Variants in CPNE4 observed in about 807,000 individuals in gnomAD.
CPNE4 encodes the protein copine 4.
CPNE4 carries 25 observed loss-of-function variants against 67.9 expected under a neutral mutation model. That is an observed-to-expected ratio of 0.37 (90% confidence interval 0.27 to 0.51). The LOEUF is 0.51. CPNE4 is among the 20% of genes least tolerant of loss of function. The probability of loss-of-function intolerance (pLI) is 0.93; values close to 1 mark genes in which losing one functional copy is unlikely to be tolerated. For missense variants in CPNE4, 464 were observed against 690.8 expected, an observed-to-expected ratio of 0.67 and a Z score of 3.68; for synonymous variants, 242 against 244.9, an observed-to-expected ratio of 0.99 and a Z score of 0.11.
chr3:131,589,515 A>G (rs1188946439), intron 7 of CPNE4, among the ~76,000 whole-genome samples: 2 of 152,184 alleles, frequency 1.3e-5, no homozygotes, highest in Non-Finnish European at 2.9e-5. Context: ...CTCTCAGTCC[A>G]CTGACTCAAA....
At chr3:131,807,317 T>A (rs1266823828) in intron 2 of CPNE4, among the ~76,000 whole-genome samples, 2 of 152,188 alleles carry the variant, frequency 1.3e-5, no homozygotes, top group East Asian at 1.9e-4. Context: ...ATTTATAGTT[T>A]TGGGTTTTAA....
chr3:131,786,408 T>C (rs1222540734), intron 2 of CPNE4, among the ~76,000 whole-genome samples: 4 of 152,186 alleles, frequency 2.6e-5, no homozygotes, highest in African/African-American at 9.7e-5. Flanking sequence ...GAAATTCATG[T>C]AGGACATCTA....
At chr3:131,774,675 C>T (rs187729650) in intron 2 of CPNE4, among the ~76,000 whole-genome samples, 77 of 152,252 alleles carry the variant, frequency 5.1e-4, no homozygotes, top group African/African-American at 1.7e-3. Flanking sequence ...CTCTTTGGTG[C>T]TTCAGGGTCT....
chr3:132,026,905 G>A (rs2107697205), intron 1 of CPNE4, among the ~76,000 whole-genome samples: 1 of 152,182 alleles, frequency 6.6e-6, no homozygotes, highest in Admixed American at 6.5e-5. Flanking sequence ...TTTCCCCAAA[G>A]CAAAACAGCT....
chr3:131,749,505 G>C (rs902495562), intron 2 of CPNE4, among the ~76,000 whole-genome samples: 9 of 152,056 alleles, frequency 5.9e-5, no homozygotes, highest in Admixed American at 5.9e-4. Flanking sequence ...TATTCTTGCT[G>C]ATTTTCTGTC....
At chr3:131,920,290 T>C (rs146303916) in intron 1 of CPNE4, among the ~76,000 whole-genome samples, 2 of 152,310 alleles carry the variant, frequency 1.3e-5, no homozygotes, top group African/African-American at 4.8e-5. Context: ...GAAAACATTT[T>C]TACTCGTTTA....
intron 1 of CPNE4, among the ~76,000 whole-genome samples, chr3:131,944,146 C>T (rs183008558): frequency 1.3e-5 from 2 of 152,224 alleles, no homozygotes; most frequent in Admixed American, 6.5e-5. Flanking sequence ...CCATGTCTAA[C>T]ACTGTCTTGC....
intron 2 of CPNE4, among the ~76,000 whole-genome samples, chr3:131,840,365 T>C (rs1386412249): frequency 1.3e-5 from 2 of 152,226 alleles, no homozygotes; most frequent in Admixed American, 6.5e-5. Flanking sequence ...TTAACAAATA[T>C]GTTGGCTAAA....
intron 2 of CPNE4, among the ~76,000 whole-genome samples, chr3:131,804,081 A>G (rs16837851): frequency 0.2 from 30,843 of 152,070 alleles, 3,276 homozygotes; most frequent in East Asian, 0.36. Flanking sequence ...ATCATTATTG[A>G]TTAATCCATC....
chr3:131,837,576 T>G (rs1400082004), intron 2 of CPNE4, among the ~76,000 whole-genome samples: 1 of 151,980 alleles, frequency 6.6e-6, no homozygotes, highest in African/African-American at 2.4e-5. Context: ...GAGATTTTTT[T>G]TGGGGGGTGA....
intron 2 of CPNE4, among the ~76,000 whole-genome samples, chr3:131,893,229 C>A (rs967224377): frequency 6.6e-6 from 1 of 151,664 alleles, no homozygotes; most frequent in Non-Finnish European, 1.5e-5. Context: ...TAAAAAGAGA[C>A]AAAGAAGAGC....
rs141523956 is a variant in CPNE4 at position 131,574,722 on chromosome 3, T to C, written c.927+349A>G. Among the ~76,000 whole-genome samples the C allele has an allele frequency of 2.9e-3, 434 of 152,250 alleles. 2 individuals carry two copies. Among genetic ancestry groups the C allele is most frequent in the African/African-American group, 9.9e-3 (412 of 41,558 alleles). On this transcript the variant is annotated intron_variant, in intron 10 of 15. Coordinates refer to ENST00000429747, the MANE Select transcript of CPNE4 (RefSeq NM_130808.3). ...GCTCAGTGGAACTTACTTGCTTGGC[T>C]TACTTCCTTTCAATTTTTCTCACCA... is the stretch of plus-strand genomic sequence containing the variant.
intron 2 of CPNE4, among the ~76,000 whole-genome samples, chr3:131,868,264 C>T (rs1560503200): frequency 6.6e-6 from 1 of 152,148 alleles, no homozygotes; most frequent in Non-Finnish European, 1.5e-5. Context: ...CACAGTTAGG[C>T]GTGACACCTC....
At chr3:131,642,222 C>A (rs1344147286) in intron 7 of CPNE4, among the ~76,000 whole-genome samples, 2 of 152,010 alleles carry the variant, frequency 1.3e-5, no homozygotes, top group Admixed American at 1.3e-4. Flanking sequence ...TCTCCAGAGA[C>A]CAGGAAGGTA....
intron 2 of CPNE4, among the ~76,000 whole-genome samples, chr3:131,820,072 G>C (rs1382026554): frequency 6.6e-6 from 1 of 152,114 alleles, no homozygotes. Flanking sequence ...TTGTTACAAT[G>C]GGAAAAATAT....
intron 14 of CPNE4, among the ~76,000 whole-genome samples, chr3:131,546,345 T>G (rs529655235): frequency 1.3e-4 from 20 of 152,284 alleles, no homozygotes; most frequent in African/African-American, 4.8e-4. Context: ...GATGAAATAT[T>G]ATAGTCTTTG....
chr3:131,812,109 C>G (rs2084552475), intron 2 of CPNE4, among the ~76,000 whole-genome samples: 1 of 151,798 alleles, frequency 6.6e-6, no homozygotes, highest in East Asian at 1.9e-4. Context: ...GAGAATTTTA[C>G]CCTATACCCT....
chr3:131,719,852 T>A lies in CPNE4; in HGVS notation c.360+3594A>T, dbSNP rs2107739477. ...TGTTTCTTCATGCGTGTCTCTTGTT[T>A]TAGGCTAGGAAACCTTTCCAAGAAA... On this transcript the variant is annotated intron_variant, in intron 3 of 15. Transcript: ENST00000429747. Among the ~76,000 whole-genome samples the A allele has an allele frequency of 3.3e-5, 5 of 152,336 alleles. 1 individual carries two copies. In the South Asian group the frequency reaches 1.0e-3, roughly 32 times the overall value.
At chr3:131,906,562 T>A (rs1366997695) in intron 1 of CPNE4, among the ~76,000 whole-genome samples, 3 of 151,974 alleles carry the variant, frequency 2.0e-5, no homozygotes, top group Non-Finnish European at 4.4e-5. Context: ...TTCATCCATG[T>A]CCCTACAAAG....
Sources: gnomAD v4.1 joint callset for allele counts (sites outside exome capture counted in the v4.1 genomes callset) on GRCh38, gnomAD v4.1.1 for gene constraint, MANE v1.5 for transcripts, NCBI Gene and HGNC (gene_info 2026-07-23, HGNC 2026-07-21) for gene names.